Variants in SPAG17 observed in about 807,000 individuals in gnomAD.
The protein encoded by SPAG17 is sperm-associated antigen 17.
SPAG17 carries 169 observed loss-of-function variants against 273.6 expected under a neutral mutation model. The observed-to-expected ratio is 0.62, with a 90% CI of 0.55 to 0.70. The LOEUF is 0.70. SPAG17 is among the 30% of genes least tolerant of loss of function. The pLI is 0.00. For synonymous variants in SPAG17, 825 were observed against 873.2 expected (o/e 0.94, Z 0.97); for missense variants, 2,557 against 2,627.8 (o/e 0.97, Z 0.59).
intron 42 of SPAG17, among the ~76,000 whole-genome samples, chr1:117,981,661 G>A (rs1655827684): frequency 6.6e-6 from 1 of 152,108 alleles, no homozygotes; most frequent in African/African-American, 2.4e-5. Context: ...GTTCTTTATG[G>A]GCATTATGAC....
chr1:118,074,795 T>C (rs1653940325), intron 15 of SPAG17, among the ~76,000 whole-genome samples, 195 bp from the exon 16 acceptor site: 1 of 152,278 alleles, frequency 6.6e-6, no homozygotes, highest in Non-Finnish European at 1.5e-5. Context: ...AGAAAAATTA[T>C]ACTAAGCTCT....
intron 20 of SPAG17, among the ~76,000 whole-genome samples, chr1:118,046,845 A>G (rs887838306): frequency 2.0e-5 from 3 of 152,218 alleles, no homozygotes; most frequent in Non-Finnish European, 4.4e-5. Context: ...AAACTGATGC[A>G]AAATGTAAAG....
chr1:118,135,211 A>G (rs1317774865), intron 3 of SPAG17, among the ~76,000 whole-genome samples: 1 of 152,188 alleles, frequency 6.6e-6, no homozygotes, highest in East Asian at 1.9e-4. Context: ...TCCTCTCACC[A>G]AACCAGGCTT....
At chr1:117,958,897 G>C (rs1489933178) in intron 48 of SPAG17, 1 of 1,607,120 alleles carries the variant, frequency 6.2e-7, no homozygotes, top group South Asian at 1.1e-5. Flanking sequence ...GCTGTGTTTT[G>C]TTTTTCTATC....
chr1:117,981,421 C>A lies in SPAG17; in HGVS notation c.5873-20G>T, dbSNP rs200762298. The A allele has an allele frequency of 2.5e-6, 4 of 1,580,476 alleles. No individual in the cohort carries two copies. The highest frequency in any genetic ancestry group is 2.3e-5 in the East Asian group (1 of 43,708). ...TGAAATCTAGAAAACCCAAAATGAA[C>A]CTTATAAAGTGATATTTTGTAAAAT... On this transcript the variant is annotated intron_variant, in intron 42 of 48. Transcript: ENST00000336338.
intron 18 of SPAG17, among the ~76,000 whole-genome samples, chr1:118,059,975 C>T (rs1347857778): frequency 6.6e-6 from 1 of 151,934 alleles, no homozygotes; most frequent in Non-Finnish European, 1.5e-5. Flanking sequence ...CCTCTTTTAC[C>T]CTCATTCTGT....
intron 46 of SPAG17, among the ~76,000 whole-genome samples, chr1:117,969,217 C>T (rs1654266729): frequency 6.6e-6 from 1 of 151,828 alleles, no homozygotes; most frequent in African/African-American, 2.4e-5. Flanking sequence ...AAAGTCAGAA[C>T]AGGTTGACAT....
intron 1 of SPAG17, among the ~76,000 whole-genome samples, chr1:118,183,849 G>T (rs1014745096): frequency 6.6e-6 from 1 of 152,122 alleles, no homozygotes; most frequent in African/African-American, 2.4e-5. Context: ...TTTGGCTAGC[G>T]CTGACTTATA....
rs1045497426 is a variant in SPAG17 at position 118,014,821 on chromosome 1, TCA to T, written c.4287+1142_4287+1143del. 2.0e-5 allele frequency among the ~76,000 whole-genome samples: 3 copies of T among 152,324 alleles called. No homozygotes were observed. The East Asian group carries it at 5.8e-4, about 29-fold the overall frequency. On this transcript the variant is annotated intron_variant, in intron 29 of 48. Transcript: ENST00000336338. ...GGAATAGCTAAGGAATGGAAAGAGC[TCA>T]GTTTTTGGTCACAAACAACTGGCTC...
At chr1:118,053,794 C>A (rs1651336854) in intron 20 of SPAG17, among the ~76,000 whole-genome samples, 1 of 151,808 alleles carries the variant, frequency 6.6e-6, no homozygotes, top group South Asian at 2.1e-4. Flanking sequence ...TAAGCTATAA[C>A]ATATACACAA....
intron 43 of SPAG17, among the ~76,000 whole-genome samples, chr1:117,980,392 C>T (rs1214652141): frequency 6.6e-6 from 1 of 152,022 alleles, no homozygotes; most frequent in Non-Finnish European, 1.5e-5. Context: ...CCACCATGCC[C>T]AGCTAATTTT....
chr1:117,999,168 T>G (rs965850001), intron 32 of SPAG17, among the ~76,000 whole-genome samples: 1 of 152,224 alleles, frequency 6.6e-6, no homozygotes, highest in African/African-American at 2.4e-5. Context: ...CTAATCCTTT[T>G]TTATGTCTGC....
Position 118,150,590 on chromosome 1 carries a change from T to A in SPAG17, c.268A>T (p.Lys90Ter). 6.3e-7 allele frequency: 1 copy of A among 1,582,176 alleles called. No homozygotes were observed. Among genetic ancestry groups the A allele is most frequent in the Non-Finnish European group, 8.7e-7 (1 of 1,155,518 alleles). ...CCACCTACAGGTTTTTTTGCCTTTT[T>A]AGATGAAGCAGATCCAACAAGTGTA... ...INTLVGSASSKKAKKPVGGNA... is the reference protein window; with the variant it reads ...INTLVGSASS Residue 90 changes from lysine to a stop codon, truncating the protein, a stop_gained, in exon 3 of 49, where the codon AAA becomes TAA. Transcript: ENST00000336338. LOFTEE classifies it high-confidence loss of function.
intron 4 of SPAG17, among the ~76,000 whole-genome samples, chr1:118,112,920 A>G (rs955622739): frequency 7.9e-5 from 12 of 152,142 alleles, no homozygotes; most frequent in African/African-American, 2.9e-4. Flanking sequence ...AATTAAAACT[A>G]TATTATTTAT....
chr1:117,991,039 A>T (rs956460673), intron 37 of SPAG17, 133 bp from the exon 38 acceptor site: 6 of 481,014 alleles, frequency 1.2e-5, no homozygotes, highest in African/African-American at 1.0e-4. Context: ...CTGATATAAA[A>T]TTAATTTTTC....
At chr1:118,061,906 A>G (rs1439532857) in intron 18 of SPAG17, among the ~76,000 whole-genome samples, 1 of 152,248 alleles carries the variant, frequency 6.6e-6, no homozygotes, top group Non-Finnish European at 1.5e-5. Flanking sequence ...AGAAACTGAA[A>G]AAGAGAAAAT....
chr1:118,060,300 A>G (rs981131684), intron 18 of SPAG17, among the ~76,000 whole-genome samples: 5 of 152,074 alleles, frequency 3.3e-5, no homozygotes, highest in African/African-American at 1.2e-4. Context: ...ACATATTTGT[A>G]GAAGTTTTTT....
At chr1:118,119,556 A>G (rs1451136676) in intron 3 of SPAG17, among the ~76,000 whole-genome samples, 1 of 152,204 alleles carries the variant, frequency 6.6e-6, no homozygotes, top group African/African-American at 2.4e-5. Flanking sequence ...AGTAACTGTA[A>G]AAATTCACAA....
intron 43 of SPAG17, among the ~76,000 whole-genome samples, chr1:117,976,299 A>C (rs1655126929): frequency 6.6e-6 from 1 of 152,236 alleles, no homozygotes; most frequent in Admixed American, 6.5e-5. Flanking sequence ...GGTACAATCC[A>C]ACTATTGCAT....
Sources: allele counts gnomAD v4.1 joint callset (sites outside exome capture counted in the v4.1 genomes callset), GRCh38; gene constraint gnomAD v4.1.1; transcripts MANE v1.5; gene names NCBI Gene and HGNC (gene_info 2026-07-23, HGNC 2026-07-21).